The following BMPR1B variants were observed in gnomAD, a reference collection of about 807,000 sequenced individuals.
BMPR1B encodes the protein bone morphogenetic protein receptor type-1B.
In BMPR1B, 12 loss-of-function variants were observed where a neutral mutation model predicts 59.1. The observed-to-expected ratio is 0.20, with a 90% CI of 0.13 to 0.33. BMPR1B has a LOEUF of 0.33. Ranked by LOEUF, BMPR1B falls within the 10% of genes least tolerant of loss-of-function variation. The pLI, the probability that BMPR1B is intolerant of heterozygous loss-of-function variation, is 1.00. For missense variants in BMPR1B, 550 were observed against 610.9 expected (o/e 0.90, Z 1.05); for synonymous variants, 237 against 207.3 (o/e 1.14, Z -1.23).
rs574264749 is a variant in BMPR1B at position 94,904,277 on chromosome 4, A to T, written c.-113+28377A>T. On this transcript the variant is annotated intron_variant, in intron 2 of 12. Transcript: ENST00000515059. ...GTCTGTGTAGTCATATGACTTACAGATGCACTATAATAATAATAATTAATG... is the reference window on the plus strand; with the variant it reads ...GTCTGTGTAGTCATATGACTTACAGTTGCACTATAATAATAATAATTAATG... Among the ~76,000 whole-genome samples the T allele has an allele frequency of 8.1e-4, 123 of 152,124 alleles. No individual in the cohort carries two copies. In the Middle Eastern group the frequency reaches 0.01, roughly 13 times the overall value.
intron 2 of BMPR1B, among the ~76,000 whole-genome samples, chr4:94,952,004 G>A (rs1729959079): frequency 6.6e-6 from 1 of 152,100 alleles, no homozygotes; most frequent in Non-Finnish European, 1.5e-5. Context: ...GTGTGTCTAG[G>A]AATGTATCCA....
intron 3 of BMPR1B, among the ~76,000 whole-genome samples, chr4:94,998,966 T>G (rs1178676811): frequency 6.6e-6 from 1 of 152,218 alleles, no homozygotes; most frequent in Non-Finnish European, 1.5e-5. Context: ...ATTGCATTGC[T>G]TTTTTCTTGT....
chr4:95,000,152 A>G (rs772695853), intron 3 of BMPR1B, among the ~76,000 whole-genome samples: 12 of 152,178 alleles, frequency 7.9e-5, no homozygotes, highest in Non-Finnish European at 1.6e-4. Context: ...TTTTTACTTT[A>G]GTGTGCTCTA....
intron 3 of BMPR1B, among the ~76,000 whole-genome samples, chr4:95,003,769 A>G (rs912858039): frequency 2.0e-5 from 3 of 146,510 alleles, no homozygotes; most frequent in East Asian, 2.0e-4. Context: ...TGATAAGGTC[A>G]TGATTTAAAC....
At chr4:94,834,620 C>T (rs1042380457) in intron 1 of BMPR1B, among the ~76,000 whole-genome samples, 3 of 148,296 alleles carry the variant, frequency 2.0e-5, no homozygotes, top group Non-Finnish European at 4.5e-5. Flanking sequence ...CATTAAACTC[C>T]TGTTTCTCTA....
chr4:94,855,017 A>C (rs1413405408), intron 1 of BMPR1B, among the ~76,000 whole-genome samples: 4 of 152,198 alleles, frequency 2.6e-5, no homozygotes, highest in Non-Finnish European at 5.9e-5. Context: ...CATATATTGG[A>C]TGGCACCAAC....
chr4:94,916,930 TG>T, intron 2 of BMPR1B, among the ~76,000 whole-genome samples: 1 of 152,326 alleles, frequency 6.6e-6, no homozygotes, highest in South Asian at 2.1e-4. Flanking sequence ...TGTGCAGCCT[TG>T]GGACATTGCT....
intron 6 of BMPR1B, among the ~76,000 whole-genome samples, chr4:95,120,222 G>A: frequency 6.6e-6 from 1 of 152,168 alleles, no homozygotes; most frequent in Admixed American, 6.5e-5. Context: ...TGGCTGCGTA[G>A]TATTCCATGG....
intron 2 of BMPR1B, among the ~76,000 whole-genome samples, chr4:94,949,976 C>A (rs529355967): frequency 6.6e-6 from 1 of 152,110 alleles, no homozygotes; most frequent in Non-Finnish European, 1.5e-5. Flanking sequence ...TTTTAATGAT[C>A]GCCATTCTAA....
chr4:94,844,699 T>C (rs1240967740), intron 1 of BMPR1B, among the ~76,000 whole-genome samples: 2 of 152,122 alleles, frequency 1.3e-5, no homozygotes, highest in Non-Finnish European at 2.9e-5. Flanking sequence ...CGCCCCAGAT[T>C]GTTTCACATA....
intron 12 of BMPR1B, 52 bp downstream of exon 12, chr4:95,152,825 C>A (rs1234878367): frequency 1.3e-6 from 2 of 1,591,980 alleles, no homozygotes. Context: ...ATAGACTTTT[C>A]TTTTTTAGCT....
At chr4:94,855,248 C>G (rs999238902) in intron 1 of BMPR1B, among the ~76,000 whole-genome samples, 15 of 152,142 alleles carry the variant, frequency 9.9e-5, no homozygotes, top group African/African-American at 2.2e-4. Flanking sequence ...CTTGCCTTCT[C>G]TCTCATTTTA....
rs565800027 is a variant in BMPR1B at position 94,957,833 on chromosome 4, C to T, written c.-112-38207C>T. Among the ~76,000 whole-genome samples, 15 of 152,034 alleles carry T rather than the reference C, an allele frequency of 9.9e-5. No homozygotes were observed. The South Asian group carries it at 1.9e-3, about 19-fold the overall frequency. On this transcript the variant is annotated intron_variant, in intron 2 of 12. Coordinates refer to ENST00000515059, the MANE Select transcript of BMPR1B (RefSeq NM_001203.3). ...ATGTAAAAAATACAGGTTTTTGCAT[C>T]GGTGAAATATGGTAACCTTTTTATT...
At chr4:95,025,674 G>A (rs2073364635) in intron 3 of BMPR1B, among the ~76,000 whole-genome samples, 2 of 152,186 alleles carry the variant, frequency 1.3e-5, no homozygotes, top group African/African-American at 2.4e-5. Context: ...AAGGAGGTGA[G>A]TGGGACAAAT....
chr4:94,760,471 G>A (rs1721714813), intron 1 of BMPR1B, among the ~76,000 whole-genome samples: 1 of 152,226 alleles, frequency 6.6e-6, no homozygotes. Context: ...GTATAAGGCA[G>A]TTTAAAATGT....
chr4:95,135,919 G>A (rs1435925655), intron 10 of BMPR1B, among the ~76,000 whole-genome samples: 1 of 152,184 alleles, frequency 6.6e-6, no homozygotes, highest in African/African-American at 2.4e-5. Context: ...AGTGCTGAGA[G>A]AGGGCATCCC....
At chr4:95,130,723 C>CT (rs148720302) in intron 9 of BMPR1B, among the ~76,000 whole-genome samples, 1,137 of 77,944 alleles carry the variant, frequency 0.015, 31 homozygotes, top group Non-Finnish European at 0.019. Flanking sequence ...CTTTTCTTTT[C>CT]TTTTTTTTTT....
intron 2 of BMPR1B, among the ~76,000 whole-genome samples, chr4:94,962,985 T>C (rs565071725): frequency 6.6e-6 from 1 of 152,312 alleles, no homozygotes; most frequent in African/African-American, 2.4e-5. Context: ...CAGCATCCAT[T>C]ATTACCTGTC....
Position 95,070,216 on chromosome 4 carries a change from C to T in BMPR1B, c.-17-34192C>T, listed in dbSNP as rs143400282. Reference sequence around the variant, plus strand: ...GAGAATGGAAATTAGGAGGCTGTGCCGTCAATCAGGTAAGAAATGATGAGG... The same window carrying T: ...GAGAATGGAAATTAGGAGGCTGTGCTGTCAATCAGGTAAGAAATGATGAGG... On this transcript the variant is annotated intron_variant, in intron 3 of 12. Transcript: ENST00000515059. Among the ~76,000 whole-genome samples, 455 of 152,184 alleles carry T rather than the reference C, an allele frequency of 3.0e-3. 5 individuals carry two copies. Among genetic ancestry groups the T allele is most frequent in the African/African-American group, 0.01 (432 of 41,532 alleles).
Sources: allele counts gnomAD v4.1 joint callset (sites outside exome capture counted in the v4.1 genomes callset), GRCh38; gene constraint gnomAD v4.1.1; transcripts MANE v1.5; gene names NCBI Gene and HGNC (gene_info 2026-07-23, HGNC 2026-07-21).